GRAMD1B: variants seen among roughly 807,000 people sequenced by gnomAD.
The protein encoded by GRAMD1B is protein Aster-B.
Under a neutral mutation model 99.7 loss-of-function variants are expected in GRAMD1B, and 37 were observed. The ratio of observed to expected loss-of-function variants is 0.37; its 90% CI spans 0.29 to 0.49. GRAMD1B has a LOEUF of 0.49. Ranked by LOEUF, GRAMD1B falls within the 20% of genes least tolerant of loss-of-function variation. The pLI, the probability that GRAMD1B is intolerant of heterozygous loss-of-function variation, is 0.98. For synonymous variants in GRAMD1B, 427 were observed against 387.6 expected, an observed-to-expected ratio of 1.10 and a Z score of -1.19; for missense variants, 888 against 1,009.2, an observed-to-expected ratio of 0.88 and a Z score of 1.63.
chr11:123,380,520 T>TATTAGGACTTTATTATGACTTTC (rs1194375678), intron 1 of GRAMD1B, among the ~76,000 whole-genome samples: 1 of 152,214 alleles, frequency 6.6e-6, no homozygotes, highest in Non-Finnish European at 1.5e-5. Context: ...TTATGACTTT[T>TATTAGGACTTTATTATGACTTTC]ATTAGGACTT....
rs141971445 is a variant in GRAMD1B at position 123,504,118 on chromosome 11, G to A, written c.452+23225G>A. 5.4e-3 allele frequency among the ~76,000 whole-genome samples: 822 copies of A among 152,186 alleles called. 6 individuals are homozygous for A. Among genetic ancestry groups the A allele is most frequent in the Non-Finnish European group, 8.1e-3 (550 of 68,008 alleles). Reference sequence around the variant, plus strand: ...CACTCATGTTTCTGTTGCTTGTTGCGGGGGCGGTCTCAGGAATTGCTAGCA... The same window carrying A: ...CACTCATGTTTCTGTTGCTTGTTGCAGGGGCGGTCTCAGGAATTGCTAGCA... On this transcript the variant is annotated intron_variant, in intron 2 of 19. Coordinates refer to ENST00000635736, the MANE Select transcript of GRAMD1B (RefSeq NM_001387025.1).
chr11:123,368,298 C>G (rs941476500), intron 1 of GRAMD1B, among the ~76,000 whole-genome samples: 2 of 144,132 alleles, frequency 1.4e-5, no homozygotes, highest in Non-Finnish European at 3.0e-5. Flanking sequence ...AGGAGGGTCC[C>G]TAGACTGCAC....
At chr11:123,489,657 G>A (rs1938314719) in intron 2 of GRAMD1B, among the ~76,000 whole-genome samples, 1 of 152,142 alleles carries the variant, frequency 6.6e-6, no homozygotes, top group Admixed American at 6.5e-5. Flanking sequence ...GGAGGGAGAA[G>A]AGACCGACCA....
At position 123,580,569 on chromosome 11, in the gene GRAMD1B, A is replaced by G. The variant is rs191606914; in HGVS notation, c.663+2992A>G. Among the ~76,000 whole-genome samples, 364 of 152,152 alleles carry G rather than the reference A, an allele frequency of 2.4e-3. 3 individuals are homozygous for G. The highest frequency in any genetic ancestry group is 7.0e-3 in the African/African-American group (292 of 41,484). On this transcript the variant is annotated intron_variant, in intron 3 of 19. Coordinates refer to ENST00000635736, the MANE Select transcript of GRAMD1B (RefSeq NM_001387025.1). ...CCCTTCTCTGGGCCTCAGTTTCCTC[A>G]TTTGCTACTATGTAGGCATGGCACC...
At chr11:123,505,762 A>G (rs1940363361) in intron 2 of GRAMD1B, among the ~76,000 whole-genome samples, 1 of 152,106 alleles carries the variant, frequency 6.6e-6, no homozygotes, top group African/African-American at 2.4e-5. Context: ...GCAAAAGAAA[A>G]GGCACTGAAG....
At chr11:123,516,204 G>A (rs893392895) in intron 2 of GRAMD1B, among the ~76,000 whole-genome samples, 1 of 152,212 alleles carries the variant, frequency 6.6e-6, no homozygotes, top group African/African-American at 2.4e-5. Context: ...TAGTGGCTTA[G>A]TGCATGGAAA....
At chr11:123,420,558 G>A (rs1027329072) in intron 1 of GRAMD1B, among the ~76,000 whole-genome samples, 1 of 152,136 alleles carries the variant, frequency 6.6e-6, no homozygotes, top group Admixed American at 6.5e-5. Context: ...AACTCCCAAG[G>A]AAATTTAGGG....
chr11:123,485,721 T>C (rs1306428506), intron 2 of GRAMD1B, among the ~76,000 whole-genome samples: 1 of 151,068 alleles, frequency 6.6e-6, no homozygotes, highest in Non-Finnish European at 1.5e-5. Flanking sequence ...CATTCTTTTT[T>C]TTTTTTTTTT....
intron 1 of GRAMD1B, among the ~76,000 whole-genome samples, chr11:123,453,872 G>A (rs1180085951): frequency 1.3e-5 from 2 of 152,184 alleles, no homozygotes; most frequent in African/African-American, 2.4e-5. Context: ...GTCCCAGGTC[G>A]CTACTGATTG....
chr11:123,450,539 T>C (rs1035416887), intron 1 of GRAMD1B, among the ~76,000 whole-genome samples: 1 of 152,208 alleles, frequency 6.6e-6, no homozygotes, highest in Non-Finnish European at 1.5e-5. Flanking sequence ...TGGTCCCTAT[T>C]TGTTTAAAAG....
In GRAMD1B at chr11:123,420,926, G is replaced by A. The variant is rs573606163; in HGVS notation, c.-175-59890G>A. Among the ~76,000 whole-genome samples the A allele has an allele frequency of 1.0e-3, 155 of 152,284 alleles. 1 individual carries two copies. Among genetic ancestry groups the A allele is most frequent in the Middle Eastern group, 6.8e-3 (2 of 294 alleles). On this transcript the variant is annotated intron_variant, in intron 1 of 20. Transcript: ENST00000638157. ...ATAGTGCCTTGCTCATGAAATCTTA[G>A]GTGAATCTGAAAATTTTCAGGACAC...
intron 1 of GRAMD1B, among the ~76,000 whole-genome samples, chr11:123,437,285 G>A (rs973884027): frequency 3.3e-5 from 5 of 152,098 alleles, no homozygotes; most frequent in African/African-American, 1.2e-4. Context: ...AACTGGTTGT[G>A]GTGATTGTTC....
chr11:123,605,560 G>T, intron 10 of GRAMD1B, 82 bp downstream of exon 10: 1 of 1,137,822 alleles, frequency 8.8e-7, no homozygotes, highest in Non-Finnish European at 1.2e-6. Flanking sequence ...ACCCAATCTG[G>T]GGAGCAGGTA....
intron 2 of GRAMD1B, among the ~76,000 whole-genome samples, chr11:123,515,160 G>A (rs563420630): frequency 1.4e-4 from 21 of 152,172 alleles, no homozygotes; most frequent in Non-Finnish European, 2.9e-4. Context: ...TTTCTGACTG[G>A]GTCACTTGGT....
chr11:123,415,066 TTTTTTTC>T (rs1398274975), intron 1 of GRAMD1B, among the ~76,000 whole-genome samples: 1 of 151,518 alleles, frequency 6.6e-6, no homozygotes, highest in East Asian at 1.9e-4. Context: ...TGCCTTTTCT[TTTTTTTC>T]TTTTTTCTTT....
At chr11:123,545,387 C>T (rs544623846) in intron 2 of GRAMD1B, among the ~76,000 whole-genome samples, 1 of 152,256 alleles carries the variant, frequency 6.6e-6, no homozygotes, top group African/African-American at 2.4e-5. Context: ...AGTTTGAGAA[C>T]CACTGACTTA....
At chr11:123,481,376 C>G (rs141188603) in intron 2 of GRAMD1B, among the ~76,000 whole-genome samples, 6,294 of 152,180 alleles carry the variant, frequency 0.041, 200 homozygotes, top group African/African-American at 0.08. Flanking sequence ...ATCGCTTGAA[C>G]CTGGGAGGCA....
At chr11:123,424,785 G>C (rs1948590001) in intron 1 of GRAMD1B, among the ~76,000 whole-genome samples, 1 of 152,014 alleles carries the variant, frequency 6.6e-6, no homozygotes, top group East Asian at 1.9e-4. Flanking sequence ...CTTGTATTTT[G>C]CACTTAATTA....
At chr11:123,398,540 C>T (rs1947548950) in intron 1 of GRAMD1B, among the ~76,000 whole-genome samples, 1 of 152,208 alleles carries the variant, frequency 6.6e-6, no homozygotes, top group Non-Finnish European at 1.5e-5. Flanking sequence ...TTTATACTCC[C>T]ATTGGCAGTG....
Sources: allele counts gnomAD v4.1 joint callset (sites outside exome capture counted in the v4.1 genomes callset), GRCh38; gene constraint gnomAD v4.1.1; transcripts MANE v1.5; gene names NCBI Gene and HGNC (gene_info 2026-07-23, HGNC 2026-07-21).